APOC3: variants seen among roughly 807,000 people sequenced by gnomAD.
APOC3 encodes the protein apolipoprotein C3.
Under a neutral mutation model 7.3 loss-of-function variants are expected in APOC3, and 6 were observed. The observed-to-expected ratio is 0.82, with a 90% CI of 0.45 to 1.61. The LOEUF (loss-of-function observed/expected upper bound fraction) is 1.61. Ranked by LOEUF, APOC3 falls within the 40% of genes most tolerant of loss-of-function variation. APOC3 has a pLI of 0.01. For synonymous variants in APOC3, 45 were observed against 51.2 expected (o/e 0.88, Z 0.52); for missense variants, 123 against 124.9 (o/e 0.98, Z 0.07).
intron 3 of APOC3, among the ~76,000 whole-genome samples, chr11:116,832,546 G>A (rs1941473640): frequency 6.6e-6 from 1 of 152,240 alleles, no homozygotes; most frequent in Non-Finnish European, 1.5e-5. Context: ...AGATGGCAGG[G>A]TTTGACTTGT....
In APOC3 at chr11:116,830,953, G is replaced by A. The variant is rs2070667; in HGVS notation, c.179+57G>A. The A allele has an allele frequency of 0.1, 120,637 of 1,182,366 alleles. 13,525 individuals are homozygous for A. Among genetic ancestry groups the A allele is most frequent in the African/African-American group, 0.59 (39,635 of 67,410 alleles). 73.2% of individuals were successfully genotyped at this position (1,182,366 alleles called of 1,614,324 possible). A position where few individuals can be genotyped will look rare whatever the true frequency, so the allele number is the denominator to read the frequency against. ...CTGCCAGCTGCCTCCATTCCCACCC[G>A]CCCCTGCCCTGGTGAGATCCCAACA... On this transcript the variant is annotated intron_variant, in intron 3 of 3. Transcript: ENST00000227667.
chr11:116,832,973 A>T lies in APOC3; in HGVS notation c.*89A>T. 2 of 1,582,602 alleles carry T rather than the reference A, an allele frequency of 1.3e-6. No homozygotes were observed. Among genetic ancestry groups the T allele is most frequent in the Non-Finnish European group, 1.7e-6 (2 of 1,155,128 alleles). ...CAGGGCTGCCCCTGTAGGTTGCTTA[A>T]AAGGGACAGTATTCTCAGTGCTCTC... On this transcript the variant is annotated 3_prime_UTR_variant, in exon 4 of 4. Coordinates refer to ENST00000227667, the MANE Select transcript of APOC3 (RefSeq NM_000040.3).
intron 1 of APOC3, 134 bp downstream of exon 1, chr11:116,830,074 G>GAC (rs1321849447): frequency 5.1e-6 from 1 of 194,836 alleles, no homozygotes; most frequent in Non-Finnish European, 1.1e-5. Flanking sequence ...CTGGACGGGT[G>GAC]CCCCCCACCC....
rs1455076019 is a variant in APOC3, at chr11:116,830,467, C to A, written c.-13-103C>A. 4.0e-6 allele frequency: 5 copies of A among 1,243,348 alleles called. No homozygotes were observed. In the East Asian group the frequency reaches 7.2e-5, roughly 18 times the overall value. 77.0% of individuals were successfully genotyped at this position (1,243,348 alleles called of 1,614,324 possible). On this transcript the variant is annotated intron_variant, in intron 1 of 3. Transcript: ENST00000227667. ...GGGAGCCGGCCCCTACTCCTTCTGG[C>A]AGACCCAGCTAAGGTTCTACCTTAG... is the stretch of plus-strand genomic sequence containing the variant.
intron 3 of APOC3, chr11:116,831,172 CCTTT>C (rs1941443798): frequency 6.2e-6 from 2 of 321,350 alleles, no homozygotes; most frequent in South Asian, 1.1e-4. Context: ...CTTTCCTTTC[CCTTT>C]CTTTCTCTTT....
chr11:116,831,668 T>C (rs149249154), intron 3 of APOC3, among the ~76,000 whole-genome samples: 1 of 152,298 alleles, frequency 6.6e-6, no homozygotes, highest in East Asian at 1.9e-4. Context: ...CCTGGCCCCA[T>C]TTTCCTTTTC....
At chr11:116,831,638 T>G (rs1192343327) in intron 3 of APOC3, among the ~76,000 whole-genome samples, 1 of 152,180 alleles carries the variant, frequency 6.6e-6, no homozygotes, top group Non-Finnish European at 1.5e-5. Context: ...GTGCTGGGAT[T>G]ACAGGCATGA....
chr11:116,830,353 G>C, intron 1 of APOC3: 1 of 613,814 alleles, frequency 1.6e-6, no homozygotes, highest in Non-Finnish European at 2.9e-6. Context: ...GTTCAGTCTG[G>C]TGGGTTTTCT....
Position 116,833,049 on chromosome 11 carries a change from A to C in APOC3, c.*165A>C. ...CTCCAGGCATGCTGGCCTCCCAATA[A>C]AGCTGGACAAGAAGCTGCTATGAGT... On this transcript the variant is annotated 3_prime_UTR_variant, in exon 4 of 4. Transcript: ENST00000227667. 19 of 954,402 alleles carry C rather than the reference A, an allele frequency of 2.0e-5. No homozygotes were observed. Among genetic ancestry groups the C allele is most frequent in the Non-Finnish European group, 2.7e-5 (17 of 619,202 alleles). 59.1% of individuals were successfully genotyped at this position (954,402 alleles called of 1,614,324 possible).
intron 3 of APOC3, chr11:116,831,189 A>ATTTTTT (rs72441743): frequency 6.9e-6 from 1 of 145,872 alleles, no homozygotes; most frequent in Admixed American, 9.3e-5. Context: ...TTCTCTTTCT[A>ATTTTTT]TTTCTTTCTT....
Position 116,830,992 on chromosome 11 carries a change from G to A in APOC3, c.179+96G>A, listed in dbSNP as rs1168905918. On this transcript the variant is annotated intron_variant, in intron 3 of 3. Transcript: ENST00000227667. ...GAGATCCCAACAATGGAATGGAGGTGCTCCAGCCTCCCCTGGGCCTGTGCC... is the reference window on the plus strand; with the variant it reads ...GAGATCCCAACAATGGAATGGAGGTACTCCAGCCTCCCCTGGGCCTGTGCC... The A allele has an allele frequency of 2.8e-6, 4 of 1,453,380 alleles. No individual in the cohort carries two copies. The Admixed American group carries it at 5.8e-5, about 21-fold the overall frequency. 90.0% of individuals were successfully genotyped at this position (1,453,380 alleles called of 1,614,324 possible).
chr11:116,832,367 A>G (rs1941472040), intron 3 of APOC3, among the ~76,000 whole-genome samples: 1 of 152,200 alleles, frequency 6.6e-6, no homozygotes, highest in African/African-American at 2.4e-5. Flanking sequence ...ATGACTTTCC[A>G]AATGAGAGGC....
intron 3 of APOC3, among the ~76,000 whole-genome samples, chr11:116,831,270 C>T (rs796818185): frequency 1.5e-3 from 45 of 30,794 alleles, no homozygotes; most frequent in East Asian, 0.011. Context: ...TTCTTTCTTT[C>T]CTTTCTTTCT....
In APOC3 at chr11:116,833,007, C is replaced by A; in HGVS notation, c.*123C>A. ...GTATTCTCAGTGCTCTCCTACCCCACCTCATGCCTGGCCCCCCTCCAGGCA... is the reference window on the plus strand; with the variant it reads ...GTATTCTCAGTGCTCTCCTACCCCAACTCATGCCTGGCCCCCCTCCAGGCA... On this transcript the variant is annotated 3_prime_UTR_variant, in exon 4 of 4. Coordinates refer to ENST00000227667, the MANE Select transcript of APOC3 (RefSeq NM_000040.3). 1 of 1,387,922 alleles carries A rather than the reference C, an allele frequency of 7.2e-7. No individual in the cohort carries two copies. The highest frequency in any genetic ancestry group is 1.0e-6 in the Non-Finnish European group (1 of 991,138). The allele number at this position is 1,387,922 out of a possible 1,614,324, so 86.0% of individuals were successfully genotyped here. A position where few individuals can be genotyped will look rare whatever the true frequency, so the allele number is the denominator to read the frequency against.
chr11:116,831,184 T>C (rs1044916444), intron 3 of APOC3: 11 of 204,402 alleles, frequency 5.4e-5, no homozygotes, highest in East Asian at 2.8e-4. Context: ...TTTCTTTCTC[T>C]TTCTATTTCT....
At chr11:116,831,500 G>A (rs1366112761) in intron 3 of APOC3, among the ~76,000 whole-genome samples, 2 of 151,548 alleles carry the variant, frequency 1.3e-5, no homozygotes, top group Non-Finnish European at 2.9e-5. Context: ...AAGTAGCTGG[G>A]ATTACAGGCA....
chr11:116,832,845 G>C lies in APOC3; in HGVS notation c.261G>C (p.Leu87Phe), dbSNP rs759846028. The part of the protein sequence containing the change: ...VKDKFSEFWD[L>F]DPEVRPTSAV... The stretch of plus-strand genomic sequence containing the variant: ...ACAAGTTCTCTGAGTTCTGGGATTT[G>C]GACCCTGAGGTCAGACCAACTTCAG... The change falls in exon 4 of 4, where the codon TTG (leucine) becomes TTC (phenylalanine). Residue 87 changes from leucine (L) to phenylalanine (F), a missense_variant. Physicochemically the swap from Leu to Phe is conservative, Grantham distance 22. Transcript: ENST00000227667. The C allele has an allele frequency of 6.2e-7, 1 of 1,614,042 alleles. No homozygotes were observed. Among genetic ancestry groups the C allele is most frequent in the Non-Finnish European group, 8.5e-7 (1 of 1,180,038 alleles).
chr11:116,830,122 G>A (rs1941430022), intron 1 of APOC3, among the ~76,000 whole-genome samples, 182 bp downstream of exon 1: 1 of 152,080 alleles, frequency 6.6e-6, no homozygotes, highest in African/African-American at 2.4e-5. Context: ...CCCGGGAGGG[G>A]TGTCACTTGC....
intron 3 of APOC3, chr11:116,831,227 TTCTTTCTTTC>T (rs1941449572): frequency 5.1e-6 from 1 of 197,444 alleles, no homozygotes. Context: ...CTTTCTTTCT[TTCTTTCTTTC>T]TTTCTTTCTT....
Sources: allele counts gnomAD v4.1 joint callset (sites outside exome capture counted in the v4.1 genomes callset), GRCh38; gene constraint gnomAD v4.1.1; transcripts MANE v1.5; gene names NCBI Gene and HGNC (gene_info 2026-07-23, HGNC 2026-07-21).